The following NTN1 variants were observed in gnomAD, a reference collection of about 807,000 sequenced individuals.
The protein encoded by NTN1 is netrin 1, also known as netrin-1.
A neutral mutation model predicts 54.2 loss-of-function variants in NTN1; 11 were observed. The observed-to-expected ratio is 0.20, with a 90% CI of 0.13 to 0.34. The LOEUF (loss-of-function observed/expected upper bound fraction) is 0.34, where lower values mean the gene tolerates loss of function less well. NTN1 is among the 10% of genes least tolerant of loss of function. The pLI is 1.00. For synonymous variants in NTN1, 371 were observed against 382.0 expected (o/e 0.97, Z 0.33); for missense variants, 740 against 893.1 (o/e 0.83, Z 2.18).
intron 2 of NTN1, among the ~76,000 whole-genome samples, chr17:9,075,615 C>T (rs146888807): frequency 2.6e-5 from 4 of 152,330 alleles, no homozygotes; most frequent in Non-Finnish European, 5.9e-5. Context: ...TGAAAGGGGA[C>T]GGCCTGTCAG....
chr17:9,218,915 G>GAA (rs58849878), intron 5 of NTN1, among the ~76,000 whole-genome samples: 4 of 141,170 alleles, frequency 2.8e-5, no homozygotes, highest in South Asian at 2.3e-4. Context: ...TGGCTTTTGT[G>GAA]AAAAAAAAAA....
chr17:9,199,836 T>C (rs1280042973), intron 5 of NTN1, among the ~76,000 whole-genome samples: 2 of 152,230 alleles, frequency 1.3e-5, no homozygotes, highest in Non-Finnish European at 2.9e-5. Context: ...TTCAGGGACA[T>C]CTGCGGCCAC....
chr17:9,107,820 G>A (rs1023083515), intron 2 of NTN1, among the ~76,000 whole-genome samples: 4 of 152,236 alleles, frequency 2.6e-5, no homozygotes, highest in East Asian at 1.9e-4. Context: ...GGGCCGAAAA[G>A]CCCAAAATAT....
At chr17:9,193,429 G>A (rs1904521808) in intron 5 of NTN1, among the ~76,000 whole-genome samples, 1 of 152,166 alleles carries the variant, frequency 6.6e-6, no homozygotes, top group Admixed American at 6.5e-5. Context: ...TTGTAAAGAA[G>A]TTTAGACGTT....
chr17:9,089,922 C>T (rs1018558004), intron 2 of NTN1, among the ~76,000 whole-genome samples: 3 of 152,050 alleles, frequency 2.0e-5, no homozygotes, highest in East Asian at 3.9e-4. Flanking sequence ...TATCTGGACA[C>T]AGTAGGGTAG....
chr17:9,209,013 C>T (rs1198135817), intron 5 of NTN1, among the ~76,000 whole-genome samples: 1 of 152,268 alleles, frequency 6.6e-6, no homozygotes, highest in African/African-American at 2.4e-5. Flanking sequence ...CCTCCACTCT[C>T]AGCTGCAGAG....
Position 9,161,014 on chromosome 17 carries a change from G to A in NTN1, c.1019-1799G>A, listed in dbSNP as rs567229052. On this transcript the variant is annotated intron_variant, in intron 2 of 6. Transcript: ENST00000173229. ...TATTTCTTTAGAAATTCCATAAAAC[G>A]TGATTTAGAACACACTGAGCGTGAA... is the stretch of plus-strand genomic sequence containing the variant. Among the ~76,000 whole-genome samples the A allele has an allele frequency of 2.0e-4, 30 of 152,300 alleles. 2 individuals are homozygous for A. Among genetic ancestry groups the A allele is most frequent in the Admixed American group, 1.7e-3 (26 of 15,304 alleles).
intron 6 of NTN1, among the ~76,000 whole-genome samples, chr17:9,233,416 G>A (rs1179582737): frequency 2.0e-5 from 3 of 152,032 alleles, no homozygotes; most frequent in Non-Finnish European, 4.4e-5. Context: ...GCCCGGGCGG[G>A]GAGCTTTGAT....
At chr17:9,036,910 C>G (rs558288847) in intron 2 of NTN1, among the ~76,000 whole-genome samples, 1 of 152,290 alleles carries the variant, frequency 6.6e-6, no homozygotes, top group Non-Finnish European at 1.5e-5. Context: ...ACCCTCCAAC[C>G]CTACTGACAA....
chr17:9,238,159 A>G (rs1906057306), intron 6 of NTN1, among the ~76,000 whole-genome samples: 1 of 152,104 alleles, frequency 6.6e-6, no homozygotes, highest in Non-Finnish European at 1.5e-5. Flanking sequence ...GAAGCCAGCC[A>G]GCATAGGAGG....
At chr17:9,193,938 A>AAAAAAAAAC (rs796452392) in intron 5 of NTN1, among the ~76,000 whole-genome samples, 17 of 108,394 alleles carry the variant, frequency 1.6e-4, no homozygotes, top group South Asian at 3.7e-4. Context: ...AAAAAAAAAA[A>AAAAAAAAAC]AAAAAACATT....
At chr17:9,161,378 G>A (rs980116549) in intron 2 of NTN1, among the ~76,000 whole-genome samples, 1 of 152,182 alleles carries the variant, frequency 6.6e-6, no homozygotes, top group Non-Finnish European at 1.5e-5. Context: ...GGAGCATAAA[G>A]AGCGAGAGGC....
At chr17:9,003,699 C>T in the NTN1 span, among the ~76,000 whole-genome samples, 1 of 151,990 alleles carries the variant, frequency 6.6e-6, no homozygotes, top group Non-Finnish European at 1.5e-5. The surrounding 1 kb of genome is among the most constrained non-coding windows in gnomAD (Gnocchi z 7.4). Context: ...TCCCGGTGCC[C>T]CGGCCCCGGC....
At chr17:9,109,228 G>C (rs748813279) in intron 2 of NTN1, among the ~76,000 whole-genome samples, 8 of 152,138 alleles carry the variant, frequency 5.3e-5, no homozygotes, top group Non-Finnish European at 1.0e-4. Context: ...ACATTGCCAA[G>C]TTTGAAATAC....
chr17:9,009,496 C>G, the NTN1 span, among the ~76,000 whole-genome samples: 1 of 152,202 alleles, frequency 6.6e-6, no homozygotes, highest in South Asian at 2.1e-4. Flanking sequence ...CCCACCAAAT[C>G]TTAGTTTCCT....
intron 3 of NTN1, chr17:9,174,575 CG>C (rs1467102715): frequency 2.0e-5 from 3 of 152,254 alleles, no homozygotes; most frequent in Admixed American, 6.5e-5. Context: ...TGCAGATAAC[CG>C]TCTTCTCCCT....
chr17:9,109,155 G>A (rs1435827656), intron 2 of NTN1, among the ~76,000 whole-genome samples: 2 of 152,206 alleles, frequency 1.3e-5, no homozygotes, highest in African/African-American at 4.8e-5. Flanking sequence ...GATTACAGGC[G>A]TGAGGCACAG....
At chr17:9,116,840 G>A (rs2092214379) in intron 2 of NTN1, among the ~76,000 whole-genome samples, 2 of 152,160 alleles carry the variant, frequency 1.3e-5, no homozygotes, top group African/African-American at 2.4e-5. Context: ...AAAGGTGGAG[G>A]CATATTCCAC....
intron 2 of NTN1, among the ~76,000 whole-genome samples, chr17:9,122,169 C>T (rs534331214): frequency 1.8e-4 from 27 of 152,204 alleles, no homozygotes; most frequent in Admixed American, 2.6e-4. Flanking sequence ...TCCCAAGTAG[C>T]TGGGACTACA....
Sources: gnomAD v4.1 joint callset for allele counts (sites outside exome capture counted in the v4.1 genomes callset) on GRCh38, gnomAD v4.1.1 for gene constraint, Gnocchi (gnomAD v3.1) non-coding constraint, MANE v1.5 for transcripts, NCBI Gene and HGNC (gene_info 2026-07-23, HGNC 2026-07-21) for gene names.